ABCG1: variants seen among roughly 807,000 people sequenced by gnomAD.
ABCG1 encodes the protein ATP binding cassette subfamily G member 1.
ABCG1 carries 29 observed loss-of-function variants against 69.2 expected under a neutral mutation model. The observed-to-expected ratio is 0.42, with a 90% CI of 0.31 to 0.57. The LOEUF (loss-of-function observed/expected upper bound fraction) is 0.57, where lower values mean the gene tolerates loss of function less well. Among genes scored for constraint, ABCG1 ranks in the 20% least tolerant of loss-of-function variants. ABCG1 has a pLI of 0.15. For synonymous variants in ABCG1, 370 were observed against 374.8 expected (o/e 0.99, Z 0.15); for missense variants, 718 against 898.1 (o/e 0.80, Z 2.56).
intron 2 of ABCG1, chr21:42,259,373 G>A: frequency 1.3e-6 from 2 of 1,550,452 alleles, no homozygotes; most frequent in Non-Finnish European, 8.7e-7. Flanking sequence ...AGAGCTCAGT[G>A]TTTGTGACAG....
chr21:42,269,275 C>G (rs899585550), intron 2 of ABCG1, among the ~76,000 whole-genome samples: 2 of 152,152 alleles, frequency 1.3e-5, no homozygotes, highest in Non-Finnish European at 2.9e-5. Context: ...CCTGGGTGCC[C>G]GAAGTGCCGC....
Position 42,285,862 on chromosome 21 carries a change from C to A in ABCG1, c.859-18C>A. 6.3e-7 allele frequency: 1 copy of A among 1,584,786 alleles called. No homozygotes were observed. The highest frequency in any genetic ancestry group is 8.7e-7 in the Non-Finnish European group (1 of 1,154,064). On this transcript the variant is annotated intron_variant, in intron 7 of 14. Coordinates refer to ENST00000398449, the MANE Select transcript of ABCG1 (RefSeq NM_016818.3). ...GGAAGGCAGGGCTTGATCCCTTTTT[C>A]TCCTTCCTTTTTTCCAGCTTTACGT...
At chr21:42,202,136 C>A (rs912892361) in intron 2 of ABCG1, among the ~76,000 whole-genome samples, 3 of 152,174 alleles carry the variant, frequency 2.0e-5, no homozygotes, top group Admixed American at 1.3e-4. Context: ...CTGGACCATG[C>A]CTGGGTACAG....
intron 2 of ABCG1, chr21:42,255,997 G>A (rs922598149): frequency 2.4e-6 from 1 of 408,714 alleles, no homozygotes; most frequent in African/African-American, 2.0e-5. Flanking sequence ...GAACCAGCTG[G>A]AGCCAGGGAG....
At chr21:42,279,758 G>C (rs537748791) in intron 5 of ABCG1, among the ~76,000 whole-genome samples, 1 of 152,228 alleles carries the variant, frequency 6.6e-6, no homozygotes, top group African/African-American at 2.4e-5. Context: ...AGCAGGCTCC[G>C]TGCTGAAGTC....
rs1378399022 is a variant in ABCG1, at chr21:42,273,783, C to T, written c.537+348C>T. On this transcript the variant is annotated intron_variant, in intron 4 of 14. Transcript: ENST00000398449. This position sits in a 1 kb window ranked among gnomAD's most constrained non-coding sequence, Gnocchi z 5.3. ...AGGCCAGTGCTTGGGATTCTCCTTC[C>T]TGTCAGCTATCCTTGAGTCTTTCCG... is the stretch of plus-strand genomic sequence containing the variant. 6.6e-6 allele frequency among the ~76,000 whole-genome samples: 1 copy of T among 152,200 alleles called. No homozygotes were observed. The highest frequency in any genetic ancestry group is 2.4e-5 in the African/African-American group (1 of 41,446).
intron 2 of ABCG1, among the ~76,000 whole-genome samples, chr21:42,249,332 G>A (rs974231044): frequency 3.9e-5 from 6 of 152,098 alleles, no homozygotes; most frequent in African/African-American, 1.4e-4. Flanking sequence ...CATCTCACAA[G>A]CAAGTGATCT....
rs781329073 is a variant in ABCG1, at chr21:42,291,193, G to T, written c.1494+1G>T. 1.9e-6 allele frequency: 3 copies of T among 1,611,514 alleles called. No homozygotes were observed. The highest frequency in any genetic ancestry group is 1.7e-5 in the Admixed American group (1 of 59,942). ...GACCATGGCAGACGTGCCCTTTCAG[G>T]TGTGTTAGCCAGGGGCTGGAATTTG... On this transcript the variant is annotated splice_donor_variant, in intron 12 of 14. Transcript: ENST00000398449. LOFTEE classifies it high-confidence loss of function. This position sits in a 1 kb window ranked among gnomAD's most constrained non-coding sequence, Gnocchi z 6.4.
At chr21:42,260,100 G>A (rs765965168) in intron 2 of ABCG1, 134 of 1,550,512 alleles carry the variant, frequency 8.6e-5, no homozygotes, top group Admixed American at 2.4e-4. Flanking sequence ...GGCAGGAAGG[G>A]CCTATGGTTG....
At chr21:42,230,242 G>A (rs2067881258) in intron 2 of ABCG1, among the ~76,000 whole-genome samples, 1 of 152,180 alleles carries the variant, frequency 6.6e-6, no homozygotes, top group Non-Finnish European at 1.5e-5. Context: ...TGTCTTTGGA[G>A]GGAAAACTAG....
At chr21:42,220,786 A>C (rs764387686) in intron 1 of ABCG1, among the ~76,000 whole-genome samples, 6 of 152,260 alleles carry the variant, frequency 3.9e-5, no homozygotes, top group Non-Finnish European at 7.3e-5. Context: ...TTCATCTATT[A>C]GGATTTCTAA....
chr21:42,267,829 G>A (rs1328234781), intron 2 of ABCG1, among the ~76,000 whole-genome samples: 2 of 151,072 alleles, frequency 1.3e-5, no homozygotes, highest in African/African-American at 4.9e-5. Flanking sequence ...GGTTCTGTCT[G>A]GGTCTGGTCT....
Position 42,296,758 on chromosome 21 carries a change from G to T in ABCG1, c.*366G>T. The T allele has an allele frequency of 3.6e-6, 1 of 279,890 alleles. No individual in the cohort carries two copies. 17.3% of individuals were successfully genotyped at this position (279,890 alleles called of 1,614,324 possible). ...ACCAGGCACCGTGGGTCCTGGATGGGGAACTGCAAGCAGCCTCTCAGCTGA... is the reference window on the plus strand; with the variant it reads ...ACCAGGCACCGTGGGTCCTGGATGGTGAACTGCAAGCAGCCTCTCAGCTGA... On this transcript the variant is annotated 3_prime_UTR_variant, in exon 15 of 15. Transcript: ENST00000398449. This position sits in a 1 kb window ranked among gnomAD's most constrained non-coding sequence, Gnocchi z 5.4.
At chr21:42,256,159 A>G (rs1193468722) in intron 2 of ABCG1, 2 of 1,399,546 alleles carry the variant, frequency 1.4e-6, no homozygotes, top group East Asian at 5.3e-5. Context: ...TGGGCGTGAT[A>G]TACCTCCCTT....
chr21:42,266,597 C>T (rs569619518), intron 2 of ABCG1, among the ~76,000 whole-genome samples: 14 of 152,310 alleles, frequency 9.2e-5, no homozygotes, highest in African/African-American at 3.1e-4. Context: ...TCCGTCACCA[C>T]CCTATCTGGA....
intron 2 of ABCG1, among the ~76,000 whole-genome samples, chr21:42,227,760 G>A (rs1213524586): frequency 6.6e-6 from 1 of 152,204 alleles, no homozygotes; most frequent in Non-Finnish European, 1.5e-5. Context: ...CATGGTTGGG[G>A]AGGGCTCAGG....
chr21:42,288,717 A>G lies in ABCG1; in HGVS notation c.1224+405A>G, dbSNP rs1201056773. 6.6e-6 allele frequency among the ~76,000 whole-genome samples: 1 copy of G among 152,070 alleles called. No individual in the cohort carries two copies. The highest frequency in any genetic ancestry group is 1.5e-5 in the Non-Finnish European group (1 of 68,018). On this transcript the variant is annotated intron_variant, in intron 10 of 14. Transcript: ENST00000398449. This position sits in a 1 kb window ranked among gnomAD's most constrained non-coding sequence, Gnocchi z 4.8. Reference sequence around the variant, plus strand: ...AGAGAGACTCCCATCTGAAAAAGAAAGAAAGGAAAGAAAGGAAGGGAAAGG... The same window carrying G: ...AGAGAGACTCCCATCTGAAAAAGAAGGAAAGGAAAGAAAGGAAGGGAAAGG...
In ABCG1 at chr21:42,290,090, G is replaced by A. The variant is rs763611070; in HGVS notation, c.1265G>A (p.Gly422Asp). The change falls in exon 11 of 15, where the codon GGC becomes GAC. Residue 422 changes from glycine (G) to aspartate (D), a missense_variant. Gly to Asp is a moderately conservative substitution (Grantham distance 94). Transcript: ENST00000398449. ...HLRITSHIGI[G>D]LLIGLLYLGI... ...CGCATCACCTCGCACATTGGGATCGGCCTCCTCATTGGCCTGCTGTACTTG... is the reference window on the plus strand; with the variant it reads ...CGCATCACCTCGCACATTGGGATCGACCTCCTCATTGGCCTGCTGTACTTG... 1 of 1,614,200 alleles carries A rather than the reference G, an allele frequency of 6.2e-7. No homozygotes were observed. Among genetic ancestry groups the A allele is most frequent in the Admixed American group, 1.7e-5 (1 of 60,024 alleles).
At chr21:42,247,488 A>T (rs566794685) in intron 2 of ABCG1, among the ~76,000 whole-genome samples, 1 of 152,312 alleles carries the variant, frequency 6.6e-6, no homozygotes, top group Admixed American at 6.5e-5. Context: ...TTTAGAATTT[A>T]GGTAACGGGA....
Sources: gnomAD v4.1 joint callset for allele counts (sites outside exome capture counted in the v4.1 genomes callset) on GRCh38, gnomAD v4.1.1 for gene constraint, Gnocchi (gnomAD v3.1) non-coding constraint, MANE v1.5 for transcripts, NCBI Gene and HGNC (gene_info 2026-07-23, HGNC 2026-07-21) for gene names.